Variants in ING2 observed in about 807,000 individuals in gnomAD.
ING2 encodes inhibitor of growth family member 2, also known as inhibitor of growth protein 2.
Under a neutral mutation model 30.6 loss-of-function variants are expected in ING2, and 7 were observed. The ratio of observed to expected loss-of-function variants is 0.23; its 90% CI spans 0.13 to 0.43. The LOEUF (loss-of-function observed/expected upper bound fraction) is 0.43, where lower values mean the gene tolerates loss of function less well. Ranked by LOEUF, ING2 falls within the 20% of genes least tolerant of loss-of-function variation. The pLI is 1.00. For missense variants in ING2, 239 were observed against 334.9 expected (o/e 0.71, Z 2.24); for synonymous variants, 136 against 121.7 (o/e 1.12, Z -0.78).
chr4:183,506,142 G>A (rs1734640546), intron 1 of ING2: 2 of 1,253,500 alleles, frequency 1.6e-6, no homozygotes, highest in African/African-American at 3.1e-5. Flanking sequence ...CGAGAGGGGC[G>A]GTGGCGAGCT....
rs1233561712 is a variant in ING2 at position 183,506,990 on chromosome 4, C to T, written c.172+1623C>T. Among the ~76,000 whole-genome samples the T allele has an allele frequency of 3.3e-5, 5 of 152,286 alleles. No homozygotes were observed. In the East Asian group the frequency reaches 9.6e-4, roughly 29 times the overall value. ...TAATAAAAACTGTCCAAGGGGATTT[C>T]TACAGATATGGAGCACAAACATGAA... On this transcript the variant is annotated intron_variant, in intron 1 of 1. Transcript: ENST00000302327.
At chr4:183,506,573 A>G (rs1734654908) in intron 1 of ING2, among the ~76,000 whole-genome samples, 1 of 152,236 alleles carries the variant, frequency 6.6e-6, no homozygotes, top group South Asian at 2.1e-4. Flanking sequence ...GAATCGAGGA[A>G]CAGACCTTGA....
chr4:183,505,914 C>G (rs1734630985), intron 1 of ING2, among the ~76,000 whole-genome samples: 1 of 152,106 alleles, frequency 6.6e-6, no homozygotes, highest in African/African-American at 2.4e-5. Context: ...CCGTTCCGCT[C>G]TCTCGCCCCG....
Position 183,505,141 on chromosome 4 carries a change from G to C in ING2, c.-55G>C. The C allele has an allele frequency of 6.6e-7, 1 of 1,505,504 alleles. No individual in the cohort carries two copies. Among genetic ancestry groups the C allele is most frequent in the Admixed American group, 2.2e-5 (1 of 45,028 alleles). The allele number at this position is 1,505,504 out of a possible 1,614,324, so 93.3% of individuals were successfully genotyped here. On this transcript the variant is annotated 5_prime_UTR_variant, in exon 1 of 2. Coordinates refer to ENST00000302327, the MANE Select transcript of ING2 (RefSeq NM_001564.4). ...CTGAGGGCCCGCGGCGGCCGCGGCCGGTGCATGTGCGGCTGCTGGATGCGG... is the reference window on the plus strand; with the variant it reads ...CTGAGGGCCCGCGGCGGCCGCGGCCCGTGCATGTGCGGCTGCTGGATGCGG...
intron 1 of ING2, among the ~76,000 whole-genome samples, chr4:183,508,737 T>C (rs972065250): frequency 2.0e-5 from 3 of 152,218 alleles, no homozygotes; most frequent in Non-Finnish European, 4.4e-5. Context: ...TGCCATGTGG[T>C]ATGAAAAATA....
At chr4:183,506,273 C>T in intron 1 of ING2, 1 of 1,304,320 alleles carries the variant, frequency 7.7e-7, no homozygotes, top group Non-Finnish European at 1.0e-6. Flanking sequence ...GTCAATGGAT[C>T]AGGACGGCGA....
At chr4:183,506,085 G>T in intron 1 of ING2, 1 of 1,187,940 alleles carries the variant, frequency 8.4e-7, no homozygotes, top group African/African-American at 1.6e-5. Context: ...GAGGGGCGTG[G>T]GAGGGGCGCG....
chr4:183,506,101 C>T (rs1021908718), intron 1 of ING2: 2 of 1,189,108 alleles, frequency 1.7e-6, no homozygotes, highest in African/African-American at 3.2e-5. Flanking sequence ...GCGCGGCGCG[C>T]GTTCCCGCGG....
intron 1 of ING2, among the ~76,000 whole-genome samples, chr4:183,509,404 A>G (rs915200743): frequency 6.6e-6 from 1 of 151,754 alleles, no homozygotes; most frequent in Non-Finnish European, 1.5e-5. Flanking sequence ...GTTCCTGCCC[A>G]TGAGAAATAC....
chr4:183,508,976 AT>A (rs1734749525), intron 1 of ING2, among the ~76,000 whole-genome samples: 1 of 152,196 alleles, frequency 6.6e-6, no homozygotes, highest in Non-Finnish European at 1.5e-5. Context: ...CCAACTACTG[AT>A]TTATCTACAA....
In ING2 at chr4:183,511,962, T is replaced by C. The variant is rs1397392121; in HGVS notation, c.*1010T>C. 6.6e-6 allele frequency among the ~76,000 whole-genome samples: 1 copy of C among 152,226 alleles called. No homozygotes were observed. The highest frequency in any genetic ancestry group is 1.5e-5 in the Non-Finnish European group (1 of 68,036). ...GTATTTACTGTCTTAACTTCTAGTA[T>C]TGGTGCTGTTTGATGTTTTCACATT... On this transcript the variant is annotated 3_prime_UTR_variant, in exon 2 of 2. Coordinates refer to ENST00000302327, the MANE Select transcript of ING2 (RefSeq NM_001564.4).
In ING2 at chr4:183,511,446, A is replaced by G. The variant is rs1734819369; in HGVS notation, c.*494A>G. 6.6e-6 allele frequency among the ~76,000 whole-genome samples: 1 copy of G among 152,206 alleles called. No homozygotes were observed. The highest frequency in any genetic ancestry group is 2.4e-5 in the African/African-American group (1 of 41,450). Reference sequence around the variant, plus strand: ...TTGGCTTGTTCATCTCTAGTCTTCTAGGAGTTTAAGGAACTGGAGATAAGA... The same window carrying G: ...TTGGCTTGTTCATCTCTAGTCTTCTGGGAGTTTAAGGAACTGGAGATAAGA... On this transcript the variant is annotated 3_prime_UTR_variant, in exon 2 of 2. Coordinates refer to ENST00000302327, the MANE Select transcript of ING2 (RefSeq NM_001564.4).
intron 1 of ING2, among the ~76,000 whole-genome samples, chr4:183,505,571 T>TG (rs1475602758): frequency 6.6e-6 from 1 of 151,500 alleles, no homozygotes; most frequent in African/African-American, 2.4e-5. Flanking sequence ...AGAGTGGGGG[T>TG]GGGGGCCGCT....
Position 183,510,673 on chromosome 4 carries a change from AAAG to A in ING2, c.567_569del (p.Lys190del). 1 of 1,614,216 alleles carries A rather than the reference AAAG, an allele frequency of 6.2e-7. No individual in the cohort carries two copies. Among genetic ancestry groups the A allele is most frequent in the Non-Finnish European group, 8.5e-7 (1 of 1,180,032 alleles). ...AAAAGAAATCCAAGTCAGCAAAGAAAAAGAAACGCTCCAAGGCCAAGCAGGAAA... is the reference window on the plus strand; with the variant it reads ...AAAAGAAATCCAAGTCAGCAAAGAAAAAACGCTCCAAGGCCAAGCAGGAAA... On this transcript the variant is annotated inframe_deletion, in exon 2 of 2. Transcript: ENST00000302327.
At chr4:183,505,876 C>T (rs918373181) in intron 1 of ING2, among the ~76,000 whole-genome samples, 48 of 152,250 alleles carry the variant, frequency 3.2e-4, no homozygotes, top group Admixed American at 2.2e-3. Context: ...TTCCTCCGCG[C>T]TCCTGCCCCG....
chr4:183,511,040 T>A lies in ING2; in HGVS notation c.*88T>A. On this transcript the variant is annotated 3_prime_UTR_variant, in exon 2 of 2. Coordinates refer to ENST00000302327, the MANE Select transcript of ING2 (RefSeq NM_001564.4). Reference sequence around the variant, plus strand: ...ATGTTTTAGGGTAAATGCATAAGACTATGCAATAATTTTTAATCATTAGTA... The same window carrying A: ...ATGTTTTAGGGTAAATGCATAAGACAATGCAATAATTTTTAATCATTAGTA... The A allele has an allele frequency of 9.9e-7, 1 of 1,010,806 alleles. No individual in the cohort carries two copies. Among genetic ancestry groups the A allele is most frequent in the Non-Finnish European group, 1.4e-6 (1 of 703,398 alleles). 62.6% of individuals were successfully genotyped at this position (1,010,806 alleles called of 1,614,324 possible).
chr4:183,510,457 A>G lies in ING2; in HGVS notation c.348A>G (p.Arg116=), dbSNP rs1734794992. 6.2e-7 allele frequency: 1 copy of G among 1,614,102 alleles called. No individual in the cohort carries two copies. The highest frequency in any genetic ancestry group is 8.5e-7 in the Non-Finnish European group (1 of 1,180,056). The part of the protein sequence containing the change: ...QMLELVENRA[R]QMELHSQCFQ... ...TCGAATTGGTGGAAAATCGGGCAAG[A>G]CAAATGGAGTTACACTCACAGTGTT... Residue 116 remains arginine (R), a synonymous_variant, in exon 2 of 2, where the codon AGA becomes AGG. Coordinates refer to ENST00000302327, the MANE Select transcript of ING2 (RefSeq NM_001564.4).
chr4:183,508,822 AATCTT>A (rs750626405), intron 1 of ING2, among the ~76,000 whole-genome samples: 2 of 152,220 alleles, frequency 1.3e-5, no homozygotes, highest in African/African-American at 2.4e-5. Flanking sequence ...GAGCAAAACT[AATCTT>A]AAGTAAATTT....
intron 1 of ING2, among the ~76,000 whole-genome samples, chr4:183,505,905 C>T (rs757406549): frequency 3.4e-4 from 52 of 152,090 alleles, no homozygotes; most frequent in Non-Finnish European, 5.0e-4. Context: ...GAGAGCAGTC[C>T]GTTCCGCTCT....
Sources: gnomAD v4.1 joint callset for allele counts (sites outside exome capture counted in the v4.1 genomes callset) on GRCh38, gnomAD v4.1.1 for gene constraint, MANE v1.5 for transcripts, NCBI Gene and HGNC (gene_info 2026-07-23, HGNC 2026-07-21) for gene names.